MCF2L: variants seen among roughly 807,000 people sequenced by gnomAD.
The protein encoded by MCF2L is guanine nucleotide exchange factor DBS.
In MCF2L, 97 loss-of-function variants were observed where a neutral mutation model predicts 153.4. The observed-to-expected ratio is 0.63, with a 90% CI of 0.54 to 0.75. The LOEUF (loss-of-function observed/expected upper bound fraction) is 0.75. Among genes scored for constraint, MCF2L ranks in the 30% least tolerant of loss-of-function variants. MCF2L has a pLI of 0.00. For synonymous variants in MCF2L, 659 were observed against 632.2 expected (o/e 1.04, Z -0.64); for missense variants, 1,347 against 1,495.2 (o/e 0.90, Z 1.64).
chr13:113,076,112 C>A lies in MCF2L; in HGVS notation c.1455C>A (p.Asn485Lys). ...TGAENKIQEL[N>K]AIYKEYESIL... Reference sequence around the variant, plus strand: ...CGGAAAATAAGATCCAGGAGCTCAACGCGATTTACAAGGAATACGAATCCA... The same window carrying A: ...CGGAAAATAAGATCCAGGAGCTCAAAGCGATTTACAAGGAATACGAATCCA... Residue 485 changes from asparagine (N) to lysine (K), a missense_variant, in exon 12 of 30, where the codon AAC becomes AAA. This residue lies in a region of MCF2L where 820 missense variants were observed against 921.2 expected (regional missense o/e 0.89). Coordinates refer to ENST00000535094, the MANE Select transcript of MCF2L (RefSeq NM_001112732.3). 6.2e-7 allele frequency: 1 copy of A among 1,613,960 alleles called. No homozygotes were observed. The highest frequency in any genetic ancestry group is 8.5e-7 in the Non-Finnish European group (1 of 1,179,998).
At chr13:113,020,753 C>A (rs1403473064) in intron 2 of MCF2L, among the ~76,000 whole-genome samples, 1 of 152,160 alleles carries the variant, frequency 6.6e-6, no homozygotes, top group African/African-American at 2.4e-5. Flanking sequence ...AGACAGACAT[C>A]CAGTCCATAA....
chr13:112,918,346 G>C (rs184267235), intron 2 of MCF2L, among the ~76,000 whole-genome samples: 2 of 152,336 alleles, frequency 1.3e-5, no homozygotes, highest in Middle Eastern at 3.4e-3. Context: ...AGCCAGCTTG[G>C]TGGAAGCTCC....
chr13:112,912,040 C>T (rs1266034613), intron 2 of MCF2L, among the ~76,000 whole-genome samples: 1 of 152,188 alleles, frequency 6.6e-6, no homozygotes, highest in Non-Finnish European at 1.5e-5. Context: ...CCAAGAGTCA[C>T]GTGGCTGGGG....
At chr13:113,051,877 C>G (rs2087355859) in intron 4 of MCF2L, among the ~76,000 whole-genome samples, 1 of 152,048 alleles carries the variant, frequency 6.6e-6, no homozygotes, top group Non-Finnish European at 1.5e-5. Context: ...ACCCCCACGA[C>G]AGCCCGTTAA....
At chr13:112,916,743 C>T (rs1034450937) in intron 2 of MCF2L, among the ~76,000 whole-genome samples, 5 of 152,286 alleles carry the variant, frequency 3.3e-5, no homozygotes, top group South Asian at 2.1e-4. Context: ...GAGTGGTCCT[C>T]AGGGCCACTC....
At chr13:112,994,090 G>T (rs9549330) in intron 1 of MCF2L, among the ~76,000 whole-genome samples, 35,098 of 152,066 alleles carry the variant, frequency 0.23, 4,352 homozygotes, top group Middle Eastern at 0.27. Flanking sequence ...GGGGTGCGGC[G>T]CTTGGGACCC....
chr13:113,093,875 G>C (rs1157361928), intron 26 of MCF2L: 2 of 152,402 alleles, frequency 1.3e-5, no homozygotes, highest in African/African-American at 4.8e-5. Flanking sequence ...GGTTGGGGAG[G>C]GGGGCATGTG....
chr13:113,056,898 T>G, intron 4 of MCF2L, among the ~76,000 whole-genome samples: 1 of 117,388 alleles, frequency 8.5e-6, no homozygotes, highest in African/African-American at 3.8e-5. Flanking sequence ...TGTGTTTGGG[T>G]GCTGAGTGGG....
chr13:112,933,652 G>A (rs577470176), intron 2 of MCF2L, among the ~76,000 whole-genome samples: 27 of 152,370 alleles, frequency 1.8e-4, no homozygotes, highest in African/African-American at 6.5e-4. Flanking sequence ...CACAAAGATG[G>A]AATATGTTGA....
upstream of MCF2L, chr13:112,894,369 C>G (rs1196948201): frequency 6.6e-6 from 1 of 150,734 alleles, no homozygotes; most frequent in Non-Finnish European, 1.5e-5. Context: ...GGCGTCAGGA[C>G]GCGCGGACAC....
At chr13:112,903,619 G>A (rs950321924) in intron 2 of MCF2L, among the ~76,000 whole-genome samples, 1 of 152,154 alleles carries the variant, frequency 6.6e-6, no homozygotes, top group Non-Finnish European at 1.5e-5. Flanking sequence ...CTGGCTGGGG[G>A]GCTGCGTTTC....
intron 1 of MCF2L, among the ~76,000 whole-genome samples, chr13:113,000,499 A>G (rs1217726791): frequency 6.6e-6 from 1 of 152,178 alleles, no homozygotes; most frequent in East Asian, 1.9e-4. Flanking sequence ...GTCTTGGCCC[A>G]GGAGGAAGAG....
At chr13:112,895,374 C>CG (rs1291031904) in intron 1 of MCF2L, among the ~76,000 whole-genome samples, 2 of 152,144 alleles carry the variant, frequency 1.3e-5, no homozygotes, top group Admixed American at 6.5e-5. Flanking sequence ...TGTGTGGCCA[C>CG]GGGGACCGAC....
At chr13:112,896,821 T>C (rs1230709335) in intron 1 of MCF2L, among the ~76,000 whole-genome samples, 4 of 152,222 alleles carry the variant, frequency 2.6e-5, no homozygotes, top group African/African-American at 7.2e-5. Flanking sequence ...GGCATCCCAA[T>C]GCAGGTTCCT....
Position 113,039,154 on chromosome 13 carries a change from C to T in MCF2L, c.279-6117C>T, listed in dbSNP as rs571482840. On this transcript the variant is annotated intron_variant, in intron 3 of 29. Coordinates refer to ENST00000535094, the MANE Select transcript of MCF2L (RefSeq NM_001112732.3). Reference sequence around the variant, plus strand: ...GATTATAGGCGTGAGCCACCGCGCCCGGCCATTGCAGTCTCTTGATTTATT... The same window carrying T: ...GATTATAGGCGTGAGCCACCGCGCCTGGCCATTGCAGTCTCTTGATTTATT... 2.0e-4 allele frequency among the ~76,000 whole-genome samples: 30 copies of T among 152,246 alleles called. 1 individual carries two copies. In the South Asian group the frequency reaches 5.4e-3, roughly 27 times the overall value.
At chr13:112,906,211 C>T (rs1471707105) in intron 2 of MCF2L, among the ~76,000 whole-genome samples, 6 of 152,224 alleles carry the variant, frequency 3.9e-5, no homozygotes, top group African/African-American at 9.6e-5. Flanking sequence ...AGTGACTCTG[C>T]GATTAACTGT....
chr13:112,908,688 G>T (rs544734811), intron 2 of MCF2L, among the ~76,000 whole-genome samples: 63 of 152,008 alleles, frequency 4.1e-4, no homozygotes, highest in African/African-American at 1.5e-3. Flanking sequence ...AGTCACCAGC[G>T]TGTCAGACAC....
intron 2 of MCF2L, among the ~76,000 whole-genome samples, chr13:112,925,671 G>T (rs2081394366): frequency 6.6e-6 from 1 of 152,144 alleles, no homozygotes; most frequent in African/African-American, 2.4e-5. Flanking sequence ...TTGGGAAGGG[G>T]CCAGGAAGCC....
intron 1 of MCF2L, chr13:113,010,114 T>TCCC (rs1177996221): frequency 4.6e-5 from 3 of 65,858 alleles, no homozygotes; most frequent in African/African-American, 1.7e-4. Context: ...CCACCCCCCA[T>TCCC]ACCCCCCCCA....
Sources: gnomAD v4.1 joint callset for allele counts (sites outside exome capture counted in the v4.1 genomes callset) on GRCh38, gnomAD v4.1.1 for gene constraint, gnomAD v4.1.1 regional missense constraint, MANE v1.5 for transcripts, NCBI Gene and HGNC (gene_info 2026-07-23, HGNC 2026-07-21) for gene names.